ARHGEF37: variants seen among roughly 807,000 people sequenced by gnomAD.
ARHGEF37 encodes Rho guanine nucleotide exchange factor (GEF) 37.
A neutral mutation model predicts 71.1 loss-of-function variants in ARHGEF37; 55 were observed. The observed-to-expected ratio is 0.77, with a 90% CI of 0.62 to 0.97. ARHGEF37 has a LOEUF of 0.97. Among genes scored for constraint, ARHGEF37 ranks in the 50% least tolerant of loss-of-function variants. The pLI is 0.00. For synonymous variants in ARHGEF37, 327 were observed against 350.6 expected (o/e 0.93, Z 0.75); for missense variants, 765 against 836.8 (o/e 0.91, Z 1.06).
At chr5:149,619,784 G>T (rs948704452) in intron 7 of ARHGEF37, among the ~76,000 whole-genome samples, 1 of 152,100 alleles carries the variant, frequency 6.6e-6, no homozygotes, top group Non-Finnish European at 1.5e-5. Context: ...AAAAACAAAC[G>T]CACTGCTGGG....
chr5:149,596,197 A>G (rs767434463), intron 1 of ARHGEF37, among the ~76,000 whole-genome samples: 1 of 152,146 alleles, frequency 6.6e-6, no homozygotes, highest in Non-Finnish European at 1.5e-5. Context: ...TTCCTCCCTT[A>G]CAAGATCTGT....
chr5:149,631,159 CCTTCCTTCCTTT>C (rs1561813575), intron 12 of ARHGEF37, among the ~76,000 whole-genome samples: 18 of 134,948 alleles, frequency 1.3e-4, no homozygotes, highest in African/African-American at 4.3e-4. Flanking sequence ...TTCCTTCCTT[CCTTCCTTCCTTT>C]CTTTTTTTCT....
intron 3 of ARHGEF37, among the ~76,000 whole-genome samples, chr5:149,607,919 A>G (rs1031730379): frequency 4.0e-5 from 6 of 151,778 alleles, no homozygotes; most frequent in Admixed American, 2.0e-4. Context: ...GGTGCCCGCC[A>G]CCATGCCTGG....
chr5:149,632,466 C>A lies in ARHGEF37; in HGVS notation c.*275C>A. On this transcript the variant is annotated 3_prime_UTR_variant, in exon 13 of 13. Transcript: ENST00000333677. ...CACAATGCACTTGGACAGCAGGTCA[C>A]AGCTGATTGGCCAGGACTCTCCATA... The A allele has an allele frequency of 2.2e-6, 1 of 465,032 alleles. No individual in the cohort carries two copies. Among genetic ancestry groups the A allele is most frequent in the East Asian group, 3.9e-5 (1 of 25,496 alleles). 28.8% of individuals were successfully genotyped at this position (465,032 alleles called of 1,614,324 possible).
chr5:149,575,671 ATTTTTTTTTTTTT>A (rs751297275), intron 1 of ARHGEF37, among the ~76,000 whole-genome samples: 11 of 107,292 alleles, frequency 1.0e-4, no homozygotes, highest in Non-Finnish European at 1.6e-4. Flanking sequence ...CCAAATGACT[ATTTTTTTTTTTTT>A]TTTTTTTTTT....
chr5:149,568,024 G>A (rs1416040075), intron 1 of ARHGEF37, among the ~76,000 whole-genome samples: 2 of 151,998 alleles, frequency 1.3e-5, no homozygotes, highest in African/African-American at 4.8e-5. Flanking sequence ...TTCACAAGGT[G>A]CATTCTAGTG....
intron 1 of ARHGEF37, among the ~76,000 whole-genome samples, chr5:149,564,721 G>C (rs1256373760): frequency 6.6e-6 from 1 of 152,120 alleles, no homozygotes; most frequent in Admixed American, 6.6e-5. Context: ...CTACTCAAGA[G>C]GCTGAAGCAG....
intron 4 of ARHGEF37, 110 bp downstream of exon 4, chr5:149,609,805 T>G: frequency 6.9e-7 from 1 of 1,448,980 alleles, no homozygotes; most frequent in Non-Finnish European, 9.4e-7. Flanking sequence ...CGAGTGTTGC[T>G]CTGTCAGAGC....
chr5:149,584,393 C>T (rs1216087897), intron 1 of ARHGEF37, among the ~76,000 whole-genome samples: 1 of 152,038 alleles, frequency 6.6e-6, no homozygotes, highest in Non-Finnish European at 1.5e-5. Flanking sequence ...TGTCTGTCTG[C>T]GTATGGGAGA....
chr5:149,620,658 C>A (rs1044952119), intron 8 of ARHGEF37, among the ~76,000 whole-genome samples, 194 bp downstream of exon 8: 2 of 151,856 alleles, frequency 1.3e-5, no homozygotes, highest in African/African-American at 4.8e-5. Flanking sequence ...GATGAAACCC[C>A]GTCTCTACTA....
At chr5:149,612,268 C>T (rs1032200666) in intron 4 of ARHGEF37, among the ~76,000 whole-genome samples, 3 of 152,088 alleles carry the variant, frequency 2.0e-5, no homozygotes, top group East Asian at 1.9e-4. Flanking sequence ...CCCGGGTTCA[C>T]GCCATTCTCC....
upstream of ARHGEF37, among the ~76,000 whole-genome samples, chr5:149,576,525 TA>T (rs1267001293): frequency 6.6e-6 from 1 of 152,214 alleles, no homozygotes; most frequent in Non-Finnish European, 1.5e-5. Flanking sequence ...TATTATACAT[TA>T]GTAATGAGGC....
rs114737832 is a variant in ARHGEF37, at chr5:149,572,597, C to T, written c.-12+20474C>T. On this transcript the variant is annotated intron_variant, in intron 1 of 2. Coordinates refer to the ARHGEF37 transcript ENST00000505810. ...TATCAACTTGGCTGGGCCTCAGTGT[C>T]CTGATAGTTGGTCAAACATTATTCT... Among the ~76,000 whole-genome samples, 328 of 152,268 alleles carry T rather than the reference C, an allele frequency of 2.2e-3. 3 individuals are homozygous for T. Among genetic ancestry groups the T allele is most frequent in the African/African-American group, 7.6e-3 (316 of 41,542 alleles).
chr5:149,557,458 CTTTGTTTG>C (rs530803855), intron 1 of ARHGEF37, among the ~76,000 whole-genome samples: 22 of 151,962 alleles, frequency 1.4e-4, no homozygotes, highest in Non-Finnish European at 2.4e-4. Flanking sequence ...GATGGAGTTG[CTTTGTTTG>C]TTTGTTTGTT....
intron 1 of ARHGEF37, among the ~76,000 whole-genome samples, chr5:149,564,653 C>T (rs1365498545): frequency 2.0e-5 from 3 of 152,058 alleles, no homozygotes; most frequent in South Asian, 2.1e-4. Flanking sequence ...GGAGAAACCC[C>T]GTCTCTACTA....
intron 1 of ARHGEF37, among the ~76,000 whole-genome samples, chr5:149,568,730 G>A (rs1762927573): frequency 1.3e-5 from 2 of 151,070 alleles, no homozygotes; most frequent in Admixed American, 1.3e-4. Flanking sequence ...GAGAATCGCT[G>A]GCACCTGGGA....
At position 149,604,266 on chromosome 5, in the gene ARHGEF37, GT is replaced by G. The variant is rs575327391; in HGVS notation, c.310+3037del. Among the ~76,000 whole-genome samples, 10 of 152,332 alleles carry G rather than the reference GT, an allele frequency of 6.6e-5. No homozygotes were observed. In the East Asian group the frequency reaches 1.9e-3, roughly 29 times the overall value. ...TCACTGCTTCACTGTAGGGTTTCCA[GT>G]TAAAATATGGGATGATCAGTTAAAT... On this transcript the variant is annotated intron_variant, in intron 3 of 12. Transcript: ENST00000333677.
chr5:149,554,660 T>C (rs1253212680), intron 1 of ARHGEF37, among the ~76,000 whole-genome samples: 1 of 152,064 alleles, frequency 6.6e-6, no homozygotes, highest in Non-Finnish European at 1.5e-5. Flanking sequence ...TTTTTTTTTT[T>C]TTACATAGAA....
Position 149,553,615 on chromosome 5 carries a change from C to CG in ARHGEF37, c.-12+1497dup, listed in dbSNP as rs371519297. Among the ~76,000 whole-genome samples, 4 of 152,030 alleles carry CG rather than the reference C, an allele frequency of 2.6e-5. No individual in the cohort carries two copies. The East Asian group carries it at 7.7e-4, about 29-fold the overall frequency. ...TTGTGATAAAAATGCTCAATGAAGCCGGGGGCAGGGTAAGGGTGGGCATGA... is the reference window on the plus strand; with the variant it reads ...TTGTGATAAAAATGCTCAATGAAGCCGGGGGGCAGGGTAAGGGTGGGCATGA... On this transcript the variant is annotated intron_variant, in intron 1 of 2. Coordinates refer to the ARHGEF37 transcript ENST00000505810.
Sources: allele counts gnomAD v4.1 joint callset (sites outside exome capture counted in the v4.1 genomes callset), GRCh38; gene constraint gnomAD v4.1.1; transcripts MANE v1.5; gene names NCBI Gene and HGNC (gene_info 2026-07-23, HGNC 2026-07-21).